PTER: variants seen among roughly 807,000 people sequenced by gnomAD.
PTER encodes N-acetyltaurine hydrolase.
In PTER, 38 loss-of-function variants were observed where a neutral mutation model predicts 29.6. The ratio of observed to expected loss-of-function variants is 1.28; its 90% CI spans 0.99 to 1.68. The LOEUF (loss-of-function observed/expected upper bound fraction) is 1.68. Among genes scored for constraint, PTER ranks in the 40% most tolerant of loss-of-function variants. The pLI is 0.00. For synonymous variants in PTER, 172 were observed against 154.5 expected (o/e 1.11, Z -0.84); for missense variants, 482 against 427.8 (o/e 1.13, Z -1.12).
At chr10:16,457,482 G>T (rs1336348844) in intron 1 of PTER, among the ~76,000 whole-genome samples, 1 of 151,898 alleles carries the variant, frequency 6.6e-6, no homozygotes, top group Non-Finnish European at 1.5e-5. Flanking sequence ...CAAAGTGCTG[G>T]AATTACAGGC....
intron 1 of PTER, among the ~76,000 whole-genome samples, chr10:16,438,726 G>A (rs1218799973): frequency 2.0e-5 from 3 of 151,094 alleles, no homozygotes; most frequent in African/African-American, 2.4e-5. Context: ...CCAGGAGTTC[G>A]AGACCAGCCT....
At chr10:16,514,823 C>G (rs1836923377), downstream of PTER, 1 of 731,110 alleles carries the variant, frequency 1.4e-6, no homozygotes. Flanking sequence ...TTTAGCATAG[C>G]AAAGTCCATG....
At chr10:16,441,480 G>A (rs1833846686) in intron 1 of PTER, among the ~76,000 whole-genome samples, 2 of 152,126 alleles carry the variant, frequency 1.3e-5, no homozygotes, top group Non-Finnish European at 2.9e-5. Flanking sequence ...TGCTGTTAAT[G>A]TCCTAGGGGC....
chr10:16,441,683 GCCCAAGC>G (rs1419197757), intron 1 of PTER, among the ~76,000 whole-genome samples: 2 of 152,178 alleles, frequency 1.3e-5, no homozygotes, highest in African/African-American at 4.8e-5. Context: ...GACGTGACTG[GCCCAAGC>G]ACTAGTGTGA....
At chr10:16,460,866 G>A (rs1026492342) in intron 1 of PTER, among the ~76,000 whole-genome samples, 4 of 151,992 alleles carry the variant, frequency 2.6e-5, no homozygotes, top group Non-Finnish European at 4.4e-5. Context: ...ACAGGCACCC[G>A]CCACCACGTC....
At chr10:16,518,321 A>C (rs777134203), downstream of PTER, among the ~76,000 whole-genome samples, 7 of 152,252 alleles carry the variant, frequency 4.6e-5, no homozygotes, top group Non-Finnish European at 8.8e-5. Context: ...TGAACTAAAA[A>C]AAAATGTTTA....
downstream of PTER, chr10:16,514,131 A>G: frequency 2.5e-6 from 1 of 397,148 alleles, no homozygotes; most frequent in African/African-American, 2.1e-5. Flanking sequence ...AAGTATCATA[A>G]TAAGCAGGTA....
intron 4 of PTER, among the ~76,000 whole-genome samples, chr10:16,509,251 C>A (rs1836717647): frequency 6.6e-6 from 1 of 152,078 alleles, no homozygotes; most frequent in Admixed American, 6.6e-5. Context: ...TCTTCATAGT[C>A]AGGATATGAT....
At chr10:16,508,428 T>C (rs944849750) in intron 4 of PTER, among the ~76,000 whole-genome samples, 2 of 152,130 alleles carry the variant, frequency 1.3e-5, no homozygotes, top group Non-Finnish European at 2.9e-5. Flanking sequence ...ATCGGCTTCC[T>C]TTTCCGAAGC....
chr10:16,438,061 A>C (rs1833714370), intron 1 of PTER, among the ~76,000 whole-genome samples: 1 of 152,166 alleles, frequency 6.6e-6, no homozygotes, highest in South Asian at 2.1e-4. Context: ...GCTGGAGTGC[A>C]GTGGTGCGAT....
At chr10:16,498,979 T>C (rs1311370767) in intron 3 of PTER, among the ~76,000 whole-genome samples, 2 of 152,120 alleles carry the variant, frequency 1.3e-5, no homozygotes, top group Admixed American at 6.5e-5. Context: ...GTAGTGTGAG[T>C]GCCTTGGAGG....
At chr10:16,458,227 T>G (rs191043499) in intron 1 of PTER, among the ~76,000 whole-genome samples, 61 of 149,882 alleles carry the variant, frequency 4.1e-4, no homozygotes, top group Middle Eastern at 3.4e-3. Flanking sequence ...GCCCAGCACT[T>G]TTTTTTTTTA....
chr10:16,517,466 C>T (rs1254920494), downstream of PTER, among the ~76,000 whole-genome samples: 2 of 152,084 alleles, frequency 1.3e-5, no homozygotes, highest in African/African-American at 4.8e-5. Context: ...ATTCGAGTGG[C>T]TTATTTATTA....
chr10:16,486,285 A>C, intron 2 of PTER, 67 bp from the exon 3 acceptor site: 1 of 1,386,612 alleles, frequency 7.2e-7, no homozygotes. Flanking sequence ...TCATTCACAT[A>C]CTGTGGTGGA....
intron 3 of PTER, among the ~76,000 whole-genome samples, chr10:16,498,096 A>G (rs1051813843): frequency 6.6e-6 from 1 of 152,232 alleles, no homozygotes; most frequent in African/African-American, 2.4e-5. Context: ...CTTCTGGGAA[A>G]TCCCAGGATG....
intron 1 of PTER, among the ~76,000 whole-genome samples, chr10:16,464,881 T>C (rs562936357): frequency 6.6e-6 from 1 of 152,302 alleles, no homozygotes; most frequent in African/African-American, 2.4e-5. Flanking sequence ...CTGTTCCACA[T>C]GGCTGGGGAG....
chr10:16,506,504 T>C (rs926741005), intron 4 of PTER, among the ~76,000 whole-genome samples: 2 of 152,156 alleles, frequency 1.3e-5, no homozygotes, highest in African/African-American at 4.8e-5. Context: ...GTGCAGAATA[T>C]GGAAGTGTTC....
chr10:16,465,053 T>C (rs1834757973), intron 1 of PTER, among the ~76,000 whole-genome samples: 2 of 152,228 alleles, frequency 1.3e-5, no homozygotes, highest in South Asian at 4.1e-4. Flanking sequence ...CCCACCCCCA[T>C]GATTCAAATA....
chr10:16,516,170 C>T (rs1170416345), downstream of PTER, among the ~76,000 whole-genome samples: 5 of 152,110 alleles, frequency 3.3e-5, no homozygotes, highest in African/African-American at 4.8e-5. Context: ...AATTGCTTAA[C>T]GCTGTACTAA....
Sources: gnomAD v4.1 joint callset for allele counts (sites outside exome capture counted in the v4.1 genomes callset) on GRCh38, gnomAD v4.1.1 for gene constraint, MANE v1.5 for transcripts, NCBI Gene and HGNC (gene_info 2026-07-23, HGNC 2026-07-21) for gene names.